The following PCDH9 variants were observed in gnomAD, a reference collection of about 807,000 sequenced individuals.
PCDH9 encodes protocadherin-9.
Under a neutral mutation model 70.6 loss-of-function variants are expected in PCDH9, and 24 were observed. That is an observed-to-expected ratio of 0.34 (90% confidence interval 0.25 to 0.48). The LOEUF (loss-of-function observed/expected upper bound fraction) is 0.48. PCDH9 is among the 20% of genes least tolerant of loss of function. The pLI, the probability that PCDH9 is intolerant of heterozygous loss-of-function variation, is 0.99. For missense variants in PCDH9, 1,281 were observed against 1,503.6 expected, an observed-to-expected ratio of 0.85 and a Z score of 2.45; for synonymous variants, 562 against 558.5, an observed-to-expected ratio of 1.01 and a Z score of -0.09.
intron 2 of PCDH9, among the ~76,000 whole-genome samples, chr13:67,127,120 T>A (rs1014058676): frequency 5.3e-5 from 8 of 152,150 alleles, no homozygotes; most frequent in Admixed American, 5.2e-4. Context: ...TACAAAGATT[T>A]TCCTTACAGA....
At chr13:67,206,935 A>G (rs921959745) in intron 2 of PCDH9, 1 of 152,230 alleles carries the variant, frequency 6.6e-6, no homozygotes, top group Admixed American at 6.5e-5. Flanking sequence ...CTTTGAGATG[A>G]GCAAATTTAT....
At chr13:66,842,019 C>T (rs1030459330) in intron 3 of PCDH9, among the ~76,000 whole-genome samples, 1 of 152,028 alleles carries the variant, frequency 6.6e-6, no homozygotes, top group South Asian at 2.1e-4. Flanking sequence ...TAGCATAACT[C>T]CAGGATTCTT....
intron 3 of PCDH9, among the ~76,000 whole-genome samples, chr13:66,828,180 T>A (rs2080858160): frequency 1.3e-5 from 2 of 152,294 alleles, no homozygotes; most frequent in South Asian, 4.1e-4. Flanking sequence ...TTTATAGGGC[T>A]GAGCATCAAT....
At chr13:66,629,078 T>A (rs1159440054) in intron 4 of PCDH9, among the ~76,000 whole-genome samples, 1 of 152,258 alleles carries the variant, frequency 6.6e-6, no homozygotes, top group Non-Finnish European at 1.5e-5. Flanking sequence ...TGCATATGCA[T>A]CTGAAATATT....
At chr13:67,127,287 T>C (rs536764598) in intron 2 of PCDH9, among the ~76,000 whole-genome samples, 1 of 152,162 alleles carries the variant, frequency 6.6e-6, no homozygotes, top group South Asian at 2.1e-4. Context: ...GCCATCCTCA[T>C]CCAAGGCCAC....
At chr13:66,845,034 G>A (rs1242514625) in intron 3 of PCDH9, among the ~76,000 whole-genome samples, 1 of 151,994 alleles carries the variant, frequency 6.6e-6, no homozygotes, top group Non-Finnish European at 1.5e-5. Context: ...ATGCTGACTC[G>A]TCCATAGGCA....
intron 3 of PCDH9, among the ~76,000 whole-genome samples, chr13:66,844,012 T>C (rs1384716459): frequency 6.6e-6 from 1 of 150,466 alleles, no homozygotes; most frequent in Non-Finnish European, 1.5e-5. Context: ...TTCTAATACA[T>C]TTTTTTTTCA....
chr13:67,144,141 C>T (rs7992021), intron 2 of PCDH9, among the ~76,000 whole-genome samples: 1 of 152,122 alleles, frequency 6.6e-6, no homozygotes, highest in Non-Finnish European at 1.5e-5. Context: ...ATCTTTAGAA[C>T]TCTAGAACAG....
chr13:67,168,963 C>T (rs189030868), intron 2 of PCDH9, among the ~76,000 whole-genome samples: 1 of 152,190 alleles, frequency 6.6e-6, no homozygotes, highest in Admixed American at 6.5e-5. Context: ...ACAACCATTC[C>T]AGTAGATGTT....
intron 2 of PCDH9, among the ~76,000 whole-genome samples, chr13:67,177,994 T>A (rs1221474498): frequency 1.3e-5 from 2 of 152,224 alleles, no homozygotes; most frequent in Non-Finnish European, 2.9e-5. Context: ...AAGCAATACC[T>A]GCCCAACTGC....
chr13:67,030,840 G>A (rs543587202), intron 2 of PCDH9, among the ~76,000 whole-genome samples: 18 of 152,108 alleles, frequency 1.2e-4, no homozygotes, highest in African/African-American at 4.3e-4. Context: ...AAAAGTAGTA[G>A]GTATGAGAAG....
chr13:66,391,330 G>A (rs1217466068), intron 4 of PCDH9, among the ~76,000 whole-genome samples: 3 of 152,178 alleles, frequency 2.0e-5, no homozygotes, highest in Non-Finnish European at 4.4e-5. Flanking sequence ...TCATGTGGAT[G>A]TCTTGAATGT....
intron 4 of PCDH9, among the ~76,000 whole-genome samples, chr13:66,495,704 T>C (rs545989313): frequency 6.6e-6 from 1 of 152,308 alleles, no homozygotes; most frequent in South Asian, 2.1e-4. Flanking sequence ...GGTGACTCTT[T>C]GACCTCTATT....
rs142925683 is a variant in PCDH9, at chr13:66,614,027, G to A, written c.3340+17183C>T. On this transcript the variant is annotated intron_variant, in intron 4 of 4. Transcript: ENST00000377865. ...GGAGACATGTGGAAGTAACCACACC[G>A]TAACTAAGAAGGCCAACCTTAGCTA... 6.6e-3 allele frequency among the ~76,000 whole-genome samples: 992 copies of A among 149,452 alleles called. 11 individuals are homozygous for A. Among genetic ancestry groups the A allele is most frequent in the African/African-American group, 0.023 (936 of 40,710 alleles).
intron 4 of PCDH9, among the ~76,000 whole-genome samples, chr13:66,342,121 T>A (rs909312507): frequency 6.6e-6 from 1 of 152,210 alleles, no homozygotes. Flanking sequence ...TGTTATCTCT[T>A]ACGTCACTGG....
intron 3 of PCDH9, among the ~76,000 whole-genome samples, chr13:66,810,446 C>T (rs1351784797): frequency 3.9e-5 from 6 of 151,900 alleles, no homozygotes; most frequent in African/African-American, 1.4e-4. Context: ...CTCAGATTCC[C>T]AGTTTCCTCA....
At chr13:66,886,875 A>G (rs1855298360) in intron 3 of PCDH9, among the ~76,000 whole-genome samples, 1 of 152,128 alleles carries the variant, frequency 6.6e-6, no homozygotes, top group Admixed American at 6.6e-5. Flanking sequence ...TCTACAATTC[A>G]TGCACTCTGA....
chr13:66,561,237 G>A (rs957736085), intron 4 of PCDH9, among the ~76,000 whole-genome samples: 5 of 152,224 alleles, frequency 3.3e-5, no homozygotes, highest in African/African-American at 7.2e-5. Context: ...ATTTCTCACC[G>A]GGCCTTAGCT....
chr13:66,691,083 G>A (rs114630249), intron 3 of PCDH9, among the ~76,000 whole-genome samples: 269 of 151,680 alleles, frequency 1.8e-3, no homozygotes, highest in African/African-American at 6.1e-3. Context: ...TGTAGCACTG[G>A]CCAGAGTGCA....
Sources: gnomAD v4.1 joint callset for allele counts (sites outside exome capture counted in the v4.1 genomes callset) on GRCh38, gnomAD v4.1.1 for gene constraint, MANE v1.5 for transcripts, NCBI Gene and HGNC (gene_info 2026-07-23, HGNC 2026-07-21) for gene names.